The following RPRD2 variants were observed in gnomAD, a reference collection of about 807,000 sequenced individuals.
The protein encoded by RPRD2 is regulation of nuclear pre-mRNA domain-containing protein 2.
Under a neutral mutation model 104.4 loss-of-function variants are expected in RPRD2, and 12 were observed. The observed-to-expected ratio is 0.11, with a 90% confidence interval of 0.07 to 0.19. The LOEUF is 0.19. RPRD2 is among the 10% of genes least tolerant of loss of function. RPRD2 has a pLI of 1.00. For missense variants in RPRD2, 1,543 were observed against 1,790.1 expected (o/e 0.86, Z 2.49); for synonymous variants, 714 against 684.9 (o/e 1.04, Z -0.66).
chr1:150,418,799 G>A (rs1217786563), intron 2 of RPRD2, among the ~76,000 whole-genome samples: 1 of 152,116 alleles, frequency 6.6e-6, no homozygotes, highest in African/African-American at 2.4e-5. Context: ...TGGATCATGA[G>A]GTCAGGAGAT....
At chr1:150,397,424 C>T (rs587691895) in intron 1 of RPRD2, among the ~76,000 whole-genome samples, 2 of 152,226 alleles carry the variant, frequency 1.3e-5, no homozygotes, top group South Asian at 4.1e-4. Flanking sequence ...TGTGTAGCCA[C>T]CACAATTAAC....
intron 1 of RPRD2, among the ~76,000 whole-genome samples, chr1:150,400,492 A>G (rs1348828416): frequency 3.3e-5 from 5 of 152,138 alleles, no homozygotes; most frequent in Non-Finnish European, 1.5e-5. Context: ...TCTTATAGGG[A>G]GTGCACAGCC....
At chr1:150,425,404 G>T (rs2102301577) in intron 2 of RPRD2, among the ~76,000 whole-genome samples, 1 of 152,302 alleles carries the variant, frequency 6.6e-6, no homozygotes, top group East Asian at 1.9e-4. Flanking sequence ...AGGACTTTGG[G>T]AGGCCGAGGC....
chr1:150,411,788 CAAAAAA>C (rs71086508), intron 1 of RPRD2, among the ~76,000 whole-genome samples: 3 of 70,726 alleles, frequency 4.2e-5, no homozygotes, highest in East Asian at 1.0e-3. Context: ...TAGACTGTCT[CAAAAAA>C]AAAAAAAAAA....
chr1:150,470,499 A>C, intron 10 of RPRD2, 62 bp from the exon 11 acceptor site: 1 of 1,507,024 alleles, frequency 6.6e-7, no homozygotes, highest in Non-Finnish European at 9.0e-7. Context: ...ATTAGCCTAC[A>C]TTGTTTGCAT....
chr1:150,419,692 G>A (rs961293634), intron 2 of RPRD2, among the ~76,000 whole-genome samples: 21 of 152,270 alleles, frequency 1.4e-4, no homozygotes, highest in African/African-American at 4.8e-4. Flanking sequence ...CACAATCTCG[G>A]CTTACCGCAA....
chr1:150,378,609 C>G (rs1183874465), intron 1 of RPRD2, among the ~76,000 whole-genome samples: 7 of 152,122 alleles, frequency 4.6e-5, no homozygotes, highest in African/African-American at 1.7e-4. Context: ...GACCATTAAA[C>G]AGATTTGCAA....
Position 150,471,838 on chromosome 1 carries a change from G to T in RPRD2, c.2890G>T (p.Asp964Tyr). 1 of 1,613,848 alleles carries T rather than the reference G, an allele frequency of 6.2e-7. No homozygotes were observed. The highest frequency in any genetic ancestry group is 8.5e-7 in the Non-Finnish European group (1 of 1,179,886). Residue 964 changes from aspartate to tyrosine, a missense_variant, in exon 11 of 11, where the codon GAC becomes TAC. Transcript: ENST00000369068. The surrounding 1 kb of genome is among the most constrained non-coding windows in gnomAD (Gnocchi z 5.3). The stretch of plus-strand genomic sequence containing the variant: ...CAGTTTGCCACAGAAGCAGTACCCA[G>T]ACTCTCCTCACCCAGTCCCACATCG... ...HLSLPQKQYP[D>Y]SPHPVPHRSL... is the part of the protein sequence containing the mutation.
intron 1 of RPRD2, among the ~76,000 whole-genome samples, chr1:150,370,103 A>G (rs1553878064): frequency 1.3e-5 from 2 of 151,838 alleles, no homozygotes; most frequent in East Asian, 3.9e-4. Context: ...TTTTTTGTAG[A>G]GACGAGGTAT....
At chr1:150,433,825 A>ATAATATACATAATATGTATAATATATG (rs1665804255) in intron 2 of RPRD2, among the ~76,000 whole-genome samples, 1 of 142,686 alleles carries the variant, frequency 7.0e-6, no homozygotes, top group Non-Finnish European at 1.5e-5. Context: ...TATATGTAAT[A>ATAATATACATAATATGTATAATATATG]TAATATACAT....
intron 1 of RPRD2, among the ~76,000 whole-genome samples, chr1:150,391,048 A>C (rs1662024976): frequency 6.6e-6 from 1 of 152,242 alleles, no homozygotes; most frequent in South Asian, 2.1e-4. Context: ...GTATTCTTAC[A>C]GTATGAAACT....
chr1:150,410,958 G>C (rs1663848586), intron 1 of RPRD2, among the ~76,000 whole-genome samples: 1 of 152,088 alleles, frequency 6.6e-6, no homozygotes, highest in Admixed American at 6.6e-5. Flanking sequence ...AGCCTCGCAG[G>C]CTCAAGTGAT....
At chr1:150,459,389 G>A (rs1667766688) in intron 8 of RPRD2, among the ~76,000 whole-genome samples, 1 of 152,164 alleles carries the variant, frequency 6.6e-6, no homozygotes, top group Non-Finnish European at 1.5e-5. Context: ...TCTAAGAACA[G>A]AAGTTCTTAG....
intron 1 of RPRD2, among the ~76,000 whole-genome samples, chr1:150,381,284 T>C (rs1572358313): frequency 6.7e-6 from 1 of 150,020 alleles, no homozygotes; most frequent in East Asian, 2.0e-4. Flanking sequence ...TAGGTAGACA[T>C]GGTGGCGCGT....
chr1:150,466,029 A>T (rs1213767785), intron 10 of RPRD2, among the ~76,000 whole-genome samples: 1 of 74,604 alleles, frequency 1.3e-5, no homozygotes, highest in African/African-American at 3.3e-5. Flanking sequence ...AAAAAAAAAA[A>T]AAAAATTTTT....
At chr1:150,455,924 C>T (rs1274418886) in intron 7 of RPRD2, among the ~76,000 whole-genome samples, 1 of 152,150 alleles carries the variant, frequency 6.6e-6, no homozygotes, top group African/African-American at 2.4e-5. Flanking sequence ...AGTCCTCCCA[C>T]CTCAGCCCCC....
intron 7 of RPRD2, among the ~76,000 whole-genome samples, chr1:150,448,142 T>A (rs1235224077): frequency 6.6e-6 from 1 of 152,204 alleles, no homozygotes; most frequent in Non-Finnish European, 1.5e-5. Flanking sequence ...ATTTTCCAGC[T>A]TCAATCAACT....
chr1:150,458,781 TTG>T (rs1553898196), intron 8 of RPRD2, among the ~76,000 whole-genome samples: 5 of 151,944 alleles, frequency 3.3e-5, no homozygotes, highest in Non-Finnish European at 7.4e-5. Flanking sequence ...CTAGGATTGA[TTG>T]TAGGTGCATA....
chr1:150,418,337 G>C (rs1664516490), intron 2 of RPRD2, among the ~76,000 whole-genome samples: 1 of 152,144 alleles, frequency 6.6e-6, no homozygotes, highest in African/African-American at 2.4e-5. Context: ...ACTTGACCAT[G>C]TATGTCTCCT....
Sources: allele counts gnomAD v4.1 joint callset (sites outside exome capture counted in the v4.1 genomes callset), GRCh38; gene constraint gnomAD v4.1.1; non-coding constraint Gnocchi (gnomAD v3.1); transcripts MANE v1.5; gene names NCBI Gene and HGNC (gene_info 2026-07-23, HGNC 2026-07-21).